Variants in CLEC16A observed in about 807,000 individuals in gnomAD.
CLEC16A encodes protein CLEC16A.
CLEC16A carries 51 observed loss-of-function variants against 109.5 expected under a neutral mutation model. That is an observed-to-expected ratio of 0.47 (90% CI 0.37 to 0.59). The LOEUF (loss-of-function observed/expected upper bound fraction) is 0.59. CLEC16A is among the 20% of genes least tolerant of loss of function. The pLI is 0.00. For missense variants in CLEC16A, 1,339 were observed against 1,394.0 expected (o/e 0.96, Z 0.63); for synonymous variants, 673 against 564.2 (o/e 1.19, Z -2.73).
In CLEC16A at chr16:11,024,957, G is replaced by A. The variant is rs201686473; in HGVS notation, c.1537+36G>A. On this transcript the variant is annotated intron_variant, in intron 13 of 23. Transcript: ENST00000409790. The stretch of plus-strand genomic sequence containing the variant: ...TTGCCTTGCCTGACTTCCTTGCTGG[G>A]CCCTGCATACCCATAGCATCCTTCC... 9 of 1,429,406 alleles carry A rather than the reference G, an allele frequency of 6.3e-6. No homozygotes were observed. The South Asian group carries it at 9.7e-5, about 15-fold the overall frequency. 88.5% of individuals were successfully genotyped at this position (1,429,406 alleles called of 1,614,324 possible).
chr16:11,175,324 AC>A (rs1192182095), intron 23 of CLEC16A, among the ~76,000 whole-genome samples: 1 of 151,802 alleles, frequency 6.6e-6, no homozygotes, highest in Non-Finnish European at 1.5e-5. Flanking sequence ...ATGTCCCATT[AC>A]CCCCTCGGCT....
chr16:11,018,288 A>C (rs2045883642), intron 11 of CLEC16A, among the ~76,000 whole-genome samples: 1 of 133,828 alleles, frequency 7.5e-6, no homozygotes, highest in Admixed American at 7.4e-5. Context: ...GTCTCAAAAA[A>C]GAAAAAAAAA....
intron 16 of CLEC16A, among the ~76,000 whole-genome samples, chr16:11,045,544 G>T (rs1437525972): frequency 6.6e-6 from 1 of 152,024 alleles, no homozygotes; most frequent in Non-Finnish European, 1.5e-5. Context: ...ATGAATTTGG[G>T]TGGTGGGGGG....
At chr16:11,072,987 C>T (rs143766082) in intron 19 of CLEC16A, among the ~76,000 whole-genome samples, 1 of 152,266 alleles carries the variant, frequency 6.6e-6, no homozygotes, top group East Asian at 1.9e-4. Flanking sequence ...GCTGAAACCA[C>T]AGGATGGGGT....
rs975737573 is a variant in CLEC16A, at chr16:11,100,339, T to C, written c.2117-20276T>C. On this transcript the variant is annotated intron_variant, in intron 19 of 23. Transcript: ENST00000409790. Reference sequence around the variant, plus strand: ...TCTCCGCCTGCTGGTGGATTTCCTCTGCCAAGAAATTAGCAAGAGCAGCTG... The same window carrying C: ...TCTCCGCCTGCTGGTGGATTTCCTCCGCCAAGAAATTAGCAAGAGCAGCTG... Among the ~76,000 whole-genome samples, 3 of 152,176 alleles carry C rather than the reference T, an allele frequency of 2.0e-5. 1 individual carries two copies. Among genetic ancestry groups the C allele is most frequent in the Admixed American group, 6.5e-5 (1 of 15,276 alleles).
chr16:11,139,071 A>G (rs955576501), intron 22 of CLEC16A, among the ~76,000 whole-genome samples: 9 of 151,452 alleles, frequency 5.9e-5, no homozygotes, highest in African/African-American at 2.2e-4. Flanking sequence ...TTCTCTGTGC[A>G]TTTAGCTAGC....
chr16:11,060,762 C>A, intron 18 of CLEC16A, 140 bp from the exon 19 acceptor site: 1 of 857,146 alleles, frequency 1.2e-6, no homozygotes, highest in Non-Finnish European at 1.6e-6. Flanking sequence ...GTACCAGAAT[C>A]AAAACACCCG....
At chr16:11,037,331 G>A (rs1220550907) in intron 13 of CLEC16A, among the ~76,000 whole-genome samples, 1 of 152,200 alleles carries the variant, frequency 6.6e-6, no homozygotes, top group Admixed American at 6.5e-5. Context: ...CTGTGTCTCT[G>A]ACTTGCTCTG....
At chr16:11,040,439 C>T (rs1323928335) in intron 14 of CLEC16A, 2 of 152,900 alleles carry the variant, frequency 1.3e-5, no homozygotes, top group Admixed American at 6.5e-5. Context: ...GCCGAGACCA[C>T]CCAGTCCTTG....
intron 12 of CLEC16A, among the ~76,000 whole-genome samples, chr16:11,022,452 G>A (rs1268095524): frequency 1.3e-5 from 2 of 150,654 alleles, no homozygotes; most frequent in East Asian, 3.9e-4. Flanking sequence ...GCCTTCCTGA[G>A]GCAGGGAGTG....
rs192286073 is a variant in CLEC16A at position 11,085,894 on chromosome 16, G to A, written c.2116+24872G>A. Among the ~76,000 whole-genome samples the A allele has an allele frequency of 2.1e-3, 313 of 152,228 alleles. 1 individual carries two copies. Among genetic ancestry groups the A allele is most frequent in the Non-Finnish European group, 3.6e-3 (245 of 67,994 alleles). On this transcript the variant is annotated intron_variant, in intron 19 of 23. Transcript: ENST00000409790. ...GGCGTGAGCCACTGTGCCTGGCCGG[G>A]AATCCCATTTCAACCTGAGATTGGG... is the stretch of plus-strand genomic sequence containing the variant.
In CLEC16A at chr16:11,045,304, C is replaced by T. The variant is rs140788912; in HGVS notation, c.1815+1232C>T. 6.3e-3 allele frequency among the ~76,000 whole-genome samples: 961 copies of T among 152,086 alleles called. 12 individuals carry two copies. The highest frequency in any genetic ancestry group is 0.022 in the African/African-American group (911 of 41,466). On this transcript the variant is annotated intron_variant, in intron 16 of 23. Transcript: ENST00000409790. The stretch of plus-strand genomic sequence containing the variant: ...CAAAGCTTGCAGTGAGCTGAGATCG[C>T]GCCACTGCACTCCAGCCTGGGTGAT...
chr16:11,096,063 A>G (rs2050595489), intron 19 of CLEC16A, among the ~76,000 whole-genome samples: 1 of 152,050 alleles, frequency 6.6e-6, no homozygotes, highest in Admixed American at 6.6e-5. Context: ...GCCAGATACC[A>G]TGGCTCACGC....
intron 23 of CLEC16A, among the ~76,000 whole-genome samples, chr16:11,176,235 C>A (rs1033457454): frequency 2.0e-5 from 3 of 152,240 alleles, no homozygotes; most frequent in Admixed American, 1.3e-4. Context: ...CTGAATGGAG[C>A]AAATCAGTTG....
intron 19 of CLEC16A, among the ~76,000 whole-genome samples, chr16:11,120,292 C>T (rs979827200): frequency 6.6e-5 from 10 of 152,216 alleles, no homozygotes; most frequent in African/African-American, 1.7e-4. Context: ...TTTTAAGCTA[C>T]GGCTTGAGCA....
At chr16:11,034,110 G>A (rs2046893670) in intron 13 of CLEC16A, among the ~76,000 whole-genome samples, 1 of 152,208 alleles carries the variant, frequency 6.6e-6, no homozygotes, top group Non-Finnish European at 1.5e-5. Context: ...TGAGCGATAT[G>A]GAAAAGGTTG....
At chr16:11,102,027 G>A (rs538593902) in intron 19 of CLEC16A, among the ~76,000 whole-genome samples, 2 of 148,102 alleles carry the variant, frequency 1.4e-5, no homozygotes, top group East Asian at 3.9e-4. Flanking sequence ...TGCCTAGGCT[G>A]GTCTCAAACT....
chr16:10,960,553 G>A (rs2042204431), intron 2 of CLEC16A, among the ~76,000 whole-genome samples: 3 of 152,146 alleles, frequency 2.0e-5, no homozygotes, highest in Admixed American at 2.0e-4. Flanking sequence ...TTAAGGTGCT[G>A]TCTGCCAGGT....
intron 19 of CLEC16A, among the ~76,000 whole-genome samples, chr16:11,094,147 A>T (rs925845094): frequency 2.0e-4 from 31 of 152,158 alleles, no homozygotes; most frequent in African/African-American, 7.5e-4. Flanking sequence ...TTTCCTCCAG[A>T]GTACTTCCTC....
Sources: allele counts gnomAD v4.1 joint callset (sites outside exome capture counted in the v4.1 genomes callset), GRCh38; gene constraint gnomAD v4.1.1; transcripts MANE v1.5; gene names NCBI Gene and HGNC (gene_info 2026-07-23, HGNC 2026-07-21).